The following ST6GAL1 variants were observed in gnomAD, a reference collection of about 807,000 sequenced individuals.
The protein encoded by ST6GAL1 is ST6 beta-galactoside alpha-2,6-sialyltransferase 1.
In ST6GAL1, 20 loss-of-function variants were observed where a neutral mutation model predicts 38.0. The observed-to-expected ratio is 0.53, with a 90% CI of 0.37 to 0.77. The LOEUF (loss-of-function observed/expected upper bound fraction) is 0.77. Ranked by LOEUF, ST6GAL1 falls within the 30% of genes least tolerant of loss-of-function variation. The pLI is 0.00. For synonymous variants in ST6GAL1, 196 were observed against 188.2 expected (o/e 1.04, Z -0.34); for missense variants, 432 against 496.4 (o/e 0.87, Z 1.23).
Position 187,076,106 on chromosome 3 carries a change from T to A in ST6GAL1, c.*303T>A. 2.9e-6 allele frequency: 1 copy of A among 345,130 alleles called. No individual in the cohort carries two copies. The highest frequency in any genetic ancestry group is 5.3e-6 in the Non-Finnish European group (1 of 188,080). The allele number at this position is 345,130 out of a possible 1,614,324, so 21.4% of individuals were successfully genotyped here. On this transcript the variant is annotated 3_prime_UTR_variant, in exon 8 of 8. Coordinates refer to ENST00000169298, the MANE Select transcript of ST6GAL1 (RefSeq NM_173216.2). ...GTAGATGCAAGGTCTATCTCTCCCA[T>A]CAGGGCTGCCAAAGCTGGGCTTTGT... is the stretch of plus-strand genomic sequence containing the variant.
At chr3:186,953,929 C>T (rs1377844427) in intron 1 of ST6GAL1, among the ~76,000 whole-genome samples, 1 of 151,854 alleles carries the variant, frequency 6.6e-6, no homozygotes, top group Non-Finnish European at 1.5e-5. Flanking sequence ...ATCAACCCAT[C>T]ACCTAGGTAT....
chr3:187,061,735 C>T (rs987987827), intron 5 of ST6GAL1, among the ~76,000 whole-genome samples: 2 of 152,046 alleles, frequency 1.3e-5, no homozygotes, highest in African/African-American at 4.8e-5. Context: ...GGATCTATGA[C>T]CTAAATGTAG....
intron 1 of ST6GAL1, among the ~76,000 whole-genome samples, chr3:186,951,683 C>T (rs1204824141): frequency 6.6e-6 from 1 of 152,202 alleles, no homozygotes; most frequent in Non-Finnish European, 1.5e-5. Context: ...TCCATACTCT[C>T]AGTTGATACC....
At chr3:186,944,247 G>A (rs1223628530) in intron 1 of ST6GAL1, among the ~76,000 whole-genome samples, 1 of 152,212 alleles carries the variant, frequency 6.6e-6, no homozygotes, top group Non-Finnish European at 1.5e-5. Flanking sequence ...CTTTAGTTTG[G>A]AGAAACACTT....
intron 2 of ST6GAL1, among the ~76,000 whole-genome samples, chr3:187,016,610 A>C (rs1359722995): frequency 1.3e-5 from 2 of 152,172 alleles, no homozygotes; most frequent in African/African-American, 4.8e-5. Context: ...CCCAAAGAAA[A>C]ATGTCCAAAC....
intron 1 of ST6GAL1, among the ~76,000 whole-genome samples, chr3:186,935,611 TC>T (rs1364638409): frequency 2.6e-5 from 4 of 152,222 alleles, no homozygotes; most frequent in Non-Finnish European, 5.9e-5. Context: ...TAATTTACAC[TC>T]CCACCAACAG....
intron 2 of ST6GAL1, among the ~76,000 whole-genome samples, chr3:186,983,872 T>G (rs57564943): frequency 0.17 from 26,424 of 152,016 alleles, 2,723 homozygotes; most frequent in East Asian, 0.49. Flanking sequence ...CACTAGCTGA[T>G]CAAGAACATC....
At chr3:187,042,577 T>C in intron 3 of ST6GAL1, 77 bp from the exon 4 acceptor site, 2 of 1,336,132 alleles carry the variant, frequency 1.5e-6, no homozygotes, top group Non-Finnish European at 2.0e-6. Flanking sequence ...AATCTATTGC[T>C]CAGTCCATCG....
chr3:187,021,121 G>C (rs1175497113), intron 2 of ST6GAL1, among the ~76,000 whole-genome samples: 1 of 151,978 alleles, frequency 6.6e-6, no homozygotes, highest in South Asian at 2.1e-4. Flanking sequence ...ATGCCACCAC[G>C]CCCGGCTAAT....
chr3:187,069,192 T>C (rs1719277760), intron 5 of ST6GAL1, among the ~76,000 whole-genome samples: 1 of 152,024 alleles, frequency 6.6e-6, no homozygotes, highest in Non-Finnish European at 1.5e-5. Context: ...TAGAGTGCAG[T>C]GGCACGATCT....
chr3:187,049,153 A>T (rs1718424123), intron 4 of ST6GAL1, among the ~76,000 whole-genome samples: 1 of 152,244 alleles, frequency 6.6e-6, no homozygotes, highest in African/African-American at 2.4e-5. Context: ...GGCCTCCCAA[A>T]GTACTGGGAT....
At chr3:186,982,652 G>A (rs1166492115) in intron 2 of ST6GAL1, among the ~76,000 whole-genome samples, 4 of 151,976 alleles carry the variant, frequency 2.6e-5, no homozygotes, top group African/African-American at 4.8e-5. Flanking sequence ...GCATCACATC[G>A]TAAATTGAAA....
intron 1 of ST6GAL1, among the ~76,000 whole-genome samples, chr3:186,954,374 A>G (rs1031010085): frequency 6.6e-6 from 1 of 152,114 alleles, no homozygotes; most frequent in African/African-American, 2.4e-5. Flanking sequence ...GTTACATGGT[A>G]TTTCTGGTTC....
intron 2 of ST6GAL1, among the ~76,000 whole-genome samples, chr3:187,001,955 CA>C (rs757487688): frequency 0.028 from 3,643 of 130,436 alleles, 58 homozygotes; most frequent in African/African-American, 0.066. Context: ...GACTTTGTCT[CA>C]AAAAAAAAAA....
intron 5 of ST6GAL1, 149 bp from the exon 6 acceptor site, chr3:187,072,700 T>G: frequency 1.3e-6 from 1 of 742,844 alleles, no homozygotes; most frequent in Non-Finnish European, 2.5e-6. Flanking sequence ...TTACCTTTCT[T>G]TCACCGAAGT....
intron 1 of ST6GAL1, among the ~76,000 whole-genome samples, chr3:186,946,473 C>T (rs1209821149): frequency 6.6e-6 from 1 of 152,026 alleles, no homozygotes; most frequent in Non-Finnish European, 1.5e-5. Flanking sequence ...ACTCGATCTC[C>T]CGGGTTCAAG....
chr3:186,985,381 G>A (rs1021498103), intron 2 of ST6GAL1, among the ~76,000 whole-genome samples: 2 of 151,794 alleles, frequency 1.3e-5, no homozygotes, highest in Non-Finnish European at 2.9e-5. Flanking sequence ...AGTATCCTAT[G>A]CACTAAGAAT....
At chr3:187,066,597 C>CATGT (rs1553836629) in intron 5 of ST6GAL1, among the ~76,000 whole-genome samples, 9 of 116,938 alleles carry the variant, frequency 7.7e-5, no homozygotes, top group African/African-American at 2.8e-4. Flanking sequence ...GATGTGCGTG[C>CATGT]GTGCGTGTGT....
intron 2 of ST6GAL1, among the ~76,000 whole-genome samples, chr3:186,967,904 C>T (rs1043743109): frequency 1.3e-5 from 2 of 152,214 alleles, no homozygotes; most frequent in Non-Finnish European, 2.9e-5. Context: ...CGGCACAGCC[C>T]ACTTCCTGCC....
Sources: gnomAD v4.1 joint callset for allele counts (sites outside exome capture counted in the v4.1 genomes callset) on GRCh38, gnomAD v4.1.1 for gene constraint, MANE v1.5 for transcripts, NCBI Gene and HGNC (gene_info 2026-07-23, HGNC 2026-07-21) for gene names.